The following DOCK2 variants were observed in gnomAD, a reference collection of about 807,000 sequenced individuals.
The protein encoded by DOCK2 is dedicator of cytokinesis 2, also known as dedicator of cytokinesis protein 2.
DOCK2 carries 87 observed loss-of-function variants against 248.9 expected under a neutral mutation model. That is an observed-to-expected ratio of 0.35 (90% CI 0.29 to 0.42). The LOEUF (loss-of-function observed/expected upper bound fraction) is 0.42. Ranked by LOEUF, DOCK2 falls within the 10% of genes least tolerant of loss-of-function variation. The pLI, the probability that DOCK2 is intolerant of heterozygous loss-of-function variation, is 1.00. For missense variants in DOCK2, 1,747 were observed against 2,300.2 expected (o/e 0.76, Z 4.92); for synonymous variants, 805 against 821.6 (o/e 0.98, Z 0.35).
At chr5:169,803,923 G>A (rs896764970) in intron 26 of DOCK2, among the ~76,000 whole-genome samples, 1 of 152,164 alleles carries the variant, frequency 6.6e-6, no homozygotes, top group Non-Finnish European at 1.5e-5. Flanking sequence ...GGAGGGTGCT[G>A]GATCTGACCC....
intron 25 of DOCK2, among the ~76,000 whole-genome samples, chr5:169,796,646 G>A (rs775465968): frequency 3.3e-5 from 5 of 152,092 alleles, no homozygotes; most frequent in East Asian, 1.9e-4. Context: ...GAAATATATC[G>A]AAATATATTC....
intron 46 of DOCK2, among the ~76,000 whole-genome samples, chr5:170,072,386 A>G (rs1235756215): frequency 6.6e-6 from 1 of 152,142 alleles, no homozygotes; most frequent in African/African-American, 2.4e-5. Flanking sequence ...AGTGTCATCT[A>G]TTGTATGTGT....
At chr5:169,886,322 G>T (rs1581359179) in intron 27 of DOCK2, among the ~76,000 whole-genome samples, 1 of 152,228 alleles carries the variant, frequency 6.6e-6, no homozygotes, top group Non-Finnish European at 1.5e-5. Flanking sequence ...TGAACCTACT[G>T]GTCCCGAGTT....
At chr5:169,896,379 C>G (rs1171493075) in intron 27 of DOCK2, among the ~76,000 whole-genome samples, 3 of 152,180 alleles carry the variant, frequency 2.0e-5, no homozygotes, top group Admixed American at 1.3e-4. Flanking sequence ...ATTCTGAAAA[C>G]AGACGGCTTA....
At chr5:169,720,434 C>T (rs1762134126) in intron 22 of DOCK2, among the ~76,000 whole-genome samples, 1 of 152,104 alleles carries the variant, frequency 6.6e-6, no homozygotes, top group Non-Finnish European at 1.5e-5. Flanking sequence ...TCCTATATTT[C>T]TTTCCTTTTC....
chr5:169,997,449 A>G (rs531537951), intron 30 of DOCK2, among the ~76,000 whole-genome samples: 9 of 145,818 alleles, frequency 6.2e-5, no homozygotes, highest in African/African-American at 2.4e-4. Flanking sequence ...GGGGACGGTC[A>G]GGTCTTTCCC....
chr5:169,750,451 C>G (rs565855287), intron 23 of DOCK2, among the ~76,000 whole-genome samples: 1 of 152,322 alleles, frequency 6.6e-6, no homozygotes, highest in African/African-American at 2.4e-5. Context: ...GTTTCCTCAT[C>G]TATAAGATTT....
intron 27 of DOCK2, among the ~76,000 whole-genome samples, chr5:169,982,129 G>A (rs960047048): frequency 1.8e-4 from 26 of 147,716 alleles, no homozygotes; most frequent in African/African-American, 6.1e-4. Context: ...CCACAAGCCC[G>A]TGCTTGGCTG....
intron 27 of DOCK2, among the ~76,000 whole-genome samples, chr5:169,910,173 G>A (rs78057168): frequency 0.011 from 1,714 of 152,172 alleles, 15 homozygotes; most frequent in Non-Finnish European, 0.017. Flanking sequence ...GATTAGTACC[G>A]CAGATCCAGA....
At chr5:169,668,942 C>T (rs1758879281) in intron 2 of DOCK2, among the ~76,000 whole-genome samples, 2 of 152,164 alleles carry the variant, frequency 1.3e-5, no homozygotes, top group African/African-American at 4.8e-5. Flanking sequence ...AAGGGAGGGG[C>T]TGCGTTGAGG....
At chr5:169,659,244 AC>A (rs1342995857) in intron 2 of DOCK2, among the ~76,000 whole-genome samples, 1 of 152,052 alleles carries the variant, frequency 6.6e-6, no homozygotes, top group African/African-American at 2.4e-5. Flanking sequence ...TGCTTCTGCT[AC>A]CCACTAGTGG....
intron 1 of DOCK2, among the ~76,000 whole-genome samples, chr5:169,650,516 T>C (rs1757745024): frequency 1.3e-5 from 2 of 152,228 alleles, no homozygotes; most frequent in African/African-American, 4.8e-5. Context: ...GGTGTTTACT[T>C]TCACCTTAGC....
intron 22 of DOCK2, among the ~76,000 whole-genome samples, chr5:169,744,810 G>A (rs1763514351): frequency 6.6e-6 from 1 of 152,156 alleles, no homozygotes; most frequent in African/African-American, 2.4e-5. Context: ...GTTATGGAGG[G>A]TAGGATTGGA....
intron 22 of DOCK2, among the ~76,000 whole-genome samples, chr5:169,724,167 G>A (rs1762350050): frequency 6.6e-6 from 1 of 152,204 alleles, no homozygotes; most frequent in African/African-American, 2.4e-5. Flanking sequence ...GGGCGACTCT[G>A]ACTGGAGGGG....
rs530469807 is a variant in DOCK2, at chr5:169,972,390, AT to A, written c.2800-10677del. Among the ~76,000 whole-genome samples, 9 of 152,310 alleles carry A rather than the reference AT, an allele frequency of 5.9e-5. No individual in the cohort carries two copies. In the South Asian group the frequency reaches 1.5e-3, roughly 25 times the overall value. On this transcript the variant is annotated intron_variant, in intron 27 of 51. Transcript: ENST00000520908. ...CTGGATCATTTTCTTTGTGGGGGCT[AT>A]CCTATGTATTGTAGGATATTTTAGC...
At chr5:170,008,451 C>G (rs763463342) in intron 30 of DOCK2, 46 bp from the exon 31 acceptor site, 5 of 1,603,836 alleles carry the variant, frequency 3.1e-6, no homozygotes, top group East Asian at 2.2e-5. Context: ...TATGCCTTCC[C>G]GCTTCAGACC....
At chr5:169,676,168 C>T (rs570623997) in intron 6 of DOCK2, among the ~76,000 whole-genome samples, 12 of 152,166 alleles carry the variant, frequency 7.9e-5, no homozygotes, top group Non-Finnish European at 1.6e-4. Context: ...CCTGATTTTC[C>T]ACTACCCGCC....
chr5:169,725,866 A>G (rs1581101138), intron 22 of DOCK2, among the ~76,000 whole-genome samples: 3 of 152,122 alleles, frequency 2.0e-5, no homozygotes, highest in Admixed American at 1.3e-4. Flanking sequence ...ATAGTATTCC[A>G]TGGTGTATAT....
chr5:169,998,707 C>T (rs1394006077), intron 30 of DOCK2, among the ~76,000 whole-genome samples: 1 of 152,302 alleles, frequency 6.6e-6, no homozygotes, highest in Middle Eastern at 3.4e-3. Context: ...TGGCTGACAC[C>T]AAAGCCCACC....
Sources: gnomAD v4.1 joint callset for allele counts (sites outside exome capture counted in the v4.1 genomes callset) on GRCh38, gnomAD v4.1.1 for gene constraint, MANE v1.5 for transcripts, NCBI Gene and HGNC (gene_info 2026-07-23, HGNC 2026-07-21) for gene names.